LINGO2: variants seen among roughly 807,000 people sequenced by gnomAD.
LINGO2 encodes the protein leucine rich repeat and Ig domain containing 2.
In LINGO2, 14 loss-of-function variants were observed where a neutral mutation model predicts 30.6. The ratio of observed to expected loss-of-function variants is 0.46; its 90% CI spans 0.30 to 0.72. The LOEUF (loss-of-function observed/expected upper bound fraction) is 0.72, where lower values mean the gene tolerates loss of function less well. Ranked by LOEUF, LINGO2 falls within the 30% of genes least tolerant of loss-of-function variation. The pLI is 0.07. For synonymous variants in LINGO2, 317 were observed against 288.5 expected (o/e 1.10, Z -1.00); for missense variants, 729 against 751.7 (o/e 0.97, Z 0.35).
chr9:29,072,593 T>G, the LINGO2 span, among the ~76,000 whole-genome samples: 3 of 137,762 alleles, frequency 2.2e-5, no homozygotes, highest in Non-Finnish European at 4.9e-5. Flanking sequence ...AGGGGAGAGA[T>G]ATATATATGT....
chr9:28,999,167 G>A, the LINGO2 span, among the ~76,000 whole-genome samples: 1 of 152,064 alleles, frequency 6.6e-6, no homozygotes, highest in Admixed American at 6.6e-5. Context: ...AGTGTTGTCA[G>A]TGTACACATG....
chr9:28,207,070 T>C (rs1418826155), intron 4 of LINGO2, among the ~76,000 whole-genome samples: 1 of 152,176 alleles, frequency 6.6e-6, no homozygotes, highest in Non-Finnish European at 1.5e-5. Flanking sequence ...CTTCACAAGT[T>C]AAATGTTTAA....
chr9:28,455,998 A>C (rs969082171), intron 2 of LINGO2, among the ~76,000 whole-genome samples: 1 of 152,140 alleles, frequency 6.6e-6, no homozygotes, highest in Admixed American at 6.6e-5. Flanking sequence ...AGTACCACTA[A>C]CTTCCATATT....
At chr9:28,629,456 T>C (rs1364151187) in intron 1 of LINGO2, among the ~76,000 whole-genome samples, 3 of 152,126 alleles carry the variant, frequency 2.0e-5, no homozygotes, top group African/African-American at 7.2e-5. Flanking sequence ...TTTAAAAATT[T>C]CCCTTTCTCT....
At chr9:28,446,600 A>G (rs1824433588) in intron 2 of LINGO2, among the ~76,000 whole-genome samples, 1 of 152,112 alleles carries the variant, frequency 6.6e-6, no homozygotes, top group African/African-American at 2.4e-5. Flanking sequence ...CTATTCACTA[A>G]TCTTGATCCC....
the LINGO2 span, among the ~76,000 whole-genome samples, chr9:29,049,458 C>G: frequency 1.3e-5 from 2 of 152,000 alleles, no homozygotes; most frequent in Non-Finnish European, 2.9e-5. Context: ...GGGTATATAC[C>G]CAAAATAAAG....
At chr9:28,873,884 T>A in the LINGO2 span, among the ~76,000 whole-genome samples, 954 of 151,528 alleles carry the variant, frequency 6.3e-3, 8 homozygotes, top group Non-Finnish European at 8.3e-3. Context: ...AATAAAAAAA[T>A]ATATATATAT....
At chr9:28,848,917 TG>T in the LINGO2 span, among the ~76,000 whole-genome samples, 5 of 151,982 alleles carry the variant, frequency 3.3e-5, no homozygotes, top group Non-Finnish European at 5.9e-5. Flanking sequence ...CCTAAGGTGA[TG>T]GTATTAGCAC....
chr9:28,927,836 A>C, the LINGO2 span, among the ~76,000 whole-genome samples: 1 of 152,234 alleles, frequency 6.6e-6, no homozygotes, highest in African/African-American at 2.4e-5. Flanking sequence ...CAGATGAAGA[A>C]ACTGACATTC....
chr9:28,175,751 A>G (rs561114703), intron 4 of LINGO2, among the ~76,000 whole-genome samples: 1 of 152,294 alleles, frequency 6.6e-6, no homozygotes, highest in South Asian at 2.1e-4. Context: ...TCTGTAAGAT[A>G]AGGAAGATTT....
At chr9:28,430,937 A>ATTAAAC in intron 2 of LINGO2, among the ~76,000 whole-genome samples, 1 of 151,586 alleles carries the variant, frequency 6.6e-6, no homozygotes, top group South Asian at 2.1e-4. Flanking sequence ...CTTGTAGGTG[A>ATTAAAC]TTAAACTGAG....
the LINGO2 span, among the ~76,000 whole-genome samples, chr9:28,807,245 G>A: frequency 3.3e-5 from 5 of 152,018 alleles, no homozygotes; most frequent in East Asian, 3.9e-4. Flanking sequence ...GGATGGTCTC[G>A]ATCTCCTGAC....
chr9:29,178,994 C>T, the LINGO2 span, among the ~76,000 whole-genome samples: 596 of 151,006 alleles, frequency 3.9e-3, 4 homozygotes, highest in African/African-American at 0.014. Flanking sequence ...ATTAATTACC[C>T]AGAGGAAGGC....
intron 4 of LINGO2, among the ~76,000 whole-genome samples, chr9:28,278,774 C>A (rs1445772057): frequency 1.3e-5 from 2 of 152,052 alleles, no homozygotes; most frequent in Non-Finnish European, 2.9e-5. Context: ...ATTCTGCAGC[C>A]CATGAATCAA....
chr9:28,301,368 A>C (rs1824135400), intron 3 of LINGO2, among the ~76,000 whole-genome samples: 1 of 151,944 alleles, frequency 6.6e-6, no homozygotes, highest in African/African-American at 2.4e-5. Flanking sequence ...CAAGTTAAAA[A>C]AAAAAAAACA....
intron 4 of LINGO2, among the ~76,000 whole-genome samples, chr9:28,092,549 G>C (rs528030350): frequency 6.7e-6 from 1 of 149,198 alleles, no homozygotes; most frequent in Non-Finnish European, 1.5e-5. Flanking sequence ...CCTGTTGTGC[G>C]GTGGGGGGGA....
At chr9:29,048,461 G>GA in the LINGO2 span, among the ~76,000 whole-genome samples, 9,358 of 151,250 alleles carry the variant, frequency 0.062, 365 homozygotes, top group South Asian at 0.18. Context: ...CACAGAAATA[G>GA]AAAAAAAAAT....
At chr9:28,648,597 CT>C (rs1177539973) in intron 1 of LINGO2, among the ~76,000 whole-genome samples, 4 of 151,988 alleles carry the variant, frequency 2.6e-5, no homozygotes, top group African/African-American at 9.7e-5. Context: ...AAATATTATG[CT>C]GTTTAATTTT....
At chr9:28,888,402 A>G in the LINGO2 span, among the ~76,000 whole-genome samples, 1 of 152,146 alleles carries the variant, frequency 6.6e-6, no homozygotes, top group East Asian at 1.9e-4. Context: ...GATGTTACAC[A>G]TGAACATGAA....
Sources: gnomAD v4.1 joint callset for allele counts (sites outside exome capture counted in the v4.1 genomes callset) on GRCh38, gnomAD v4.1.1 for gene constraint, MANE v1.5 for transcripts, NCBI Gene and HGNC (gene_info 2026-07-23, HGNC 2026-07-21) for gene names.